Variants in RGSL1 observed in about 807,000 individuals in gnomAD.
The protein encoded by RGSL1 is regulator of G protein signaling protein-like.
Under a neutral mutation model 124.7 loss-of-function variants are expected in RGSL1, and 97 were observed. The observed-to-expected ratio is 0.78, with a 90% confidence interval of 0.66 to 0.92. The LOEUF is 0.92. Among genes scored for constraint, RGSL1 ranks in the 40% least tolerant of loss-of-function variants. The pLI, the probability that RGSL1 is intolerant of heterozygous loss-of-function variation, is 0.00. For missense variants in RGSL1, 1,233 were observed against 1,288.4 expected (o/e 0.96, Z 0.66); for synonymous variants, 424 against 438.1 (o/e 0.97, Z 0.40).
chr1:182,549,507 T>G (rs266538), intron 17 of RGSL1: 16,784 of 152,268 alleles, frequency 0.11, 979 homozygotes, highest in Non-Finnish European at 0.13. Context: ...GGCCTGAGCC[T>G]TCCCAGCTGG....
At chr1:182,466,826 C>A (rs1302812042) in intron 4 of RGSL1, among the ~76,000 whole-genome samples, 1 of 152,098 alleles carries the variant, frequency 6.6e-6, no homozygotes, top group Non-Finnish European at 1.5e-5. Flanking sequence ...AAACGTCAAT[C>A]CTAAAATTTC....
At chr1:182,484,265 G>A (rs1654925714) in intron 6 of RGSL1, among the ~76,000 whole-genome samples, 1 of 152,020 alleles carries the variant, frequency 6.6e-6, no homozygotes, top group Non-Finnish European at 1.5e-5. Flanking sequence ...TCTTAGTCCT[G>A]GAATGCACAG....
chr1:182,472,530 G>A lies in RGSL1; in HGVS notation c.436G>A (p.Val146Met), dbSNP rs1228510054. 6.5e-7 allele frequency: 1 copy of A among 1,543,962 alleles called. No homozygotes were observed. Among genetic ancestry groups the A allele is most frequent in the Non-Finnish European group, 8.8e-7 (1 of 1,142,108 alleles). ...CACTCATCTGCAGGAGGGCTCCAGG[G>A]TGGTAACCCTCTGTAACATGAACAT... is the stretch of plus-strand genomic sequence containing the variant. ...RATHLQEGSR[V>M]VTLCNMNIKS... is the part of the protein sequence containing the mutation. Residue 146 changes from valine to methionine, a missense_variant, in exon 5 of 22, where the codon GTG becomes ATG. Val to Met is a conservative substitution (Grantham distance 21). Transcript: ENST00000294854.
chr1:182,516,285 C>A (rs554724695), intron 9 of RGSL1, among the ~76,000 whole-genome samples: 63 of 152,304 alleles, frequency 4.1e-4, no homozygotes, highest in African/African-American at 1.4e-3. Flanking sequence ...GGCCCTTTGC[C>A]AGGGAACTGC....
chr1:182,534,703 T>C (rs1277044290), intron 14 of RGSL1, among the ~76,000 whole-genome samples: 1 of 152,044 alleles, frequency 6.6e-6, no homozygotes, highest in African/African-American at 2.4e-5. Context: ...GGTGTGCACC[T>C]GTAATCCCAG....
chr1:182,530,170 A>AG, intron 11 of RGSL1, 74 bp from the exon 12 acceptor site: 1 of 1,187,974 alleles, frequency 8.4e-7, no homozygotes, highest in East Asian at 2.6e-5. Flanking sequence ...TAAAAAAAAA[A>AG]AACAAAAAAC....
chr1:182,526,037 A>G (rs183589848), intron 10 of RGSL1, among the ~76,000 whole-genome samples: 1 of 152,316 alleles, frequency 6.6e-6, no homozygotes, highest in Admixed American at 6.5e-5. Context: ...CTATGTTTCA[A>G]GGAAAAGTAG....
chr1:182,527,788 T>G lies in RGSL1; in HGVS notation c.2125+16T>G, dbSNP rs1044138749. 6.5e-7 allele frequency: 1 copy of G among 1,535,958 alleles called. No homozygotes were observed. The highest frequency in any genetic ancestry group is 2.0e-5 in the Admixed American group (1 of 49,578). On this transcript the variant is annotated intron_variant, in intron 11 of 21. Coordinates refer to ENST00000294854, the MANE Select transcript of RGSL1 (RefSeq NM_001137669.2). ...CTCTCTCCTGGTATGCATCCTCTTC[T>G]GATCCTGTTTTCTCTCTCTCTTTAG...
intron 19 of RGSL1, 130 bp downstream of exon 19, chr1:182,553,671 A>T (rs1660699106): frequency 2.7e-6 from 2 of 743,238 alleles, no homozygotes; most frequent in East Asian, 5.6e-5. Flanking sequence ...AACTTGCTGA[A>T]GATCACATAG....
intron 6 of RGSL1, among the ~76,000 whole-genome samples, chr1:182,476,372 T>C (rs1654290246): frequency 6.6e-6 from 1 of 152,190 alleles, no homozygotes; most frequent in East Asian, 1.9e-4. Flanking sequence ...AGACTAAACA[T>C]TTTTATATCA....
intron 2 of RGSL1, among the ~76,000 whole-genome samples, chr1:182,456,233 C>A (rs1652309101): frequency 6.6e-6 from 1 of 151,034 alleles, no homozygotes; most frequent in African/African-American, 2.4e-5. Context: ...GGGAGTGGGT[C>A]TTTTATGTGT....
At chr1:182,465,885 C>A (rs1017985964) in intron 4 of RGSL1, among the ~76,000 whole-genome samples, 1 of 152,056 alleles carries the variant, frequency 6.6e-6, no homozygotes, top group African/African-American at 2.4e-5. Flanking sequence ...GGCCAATATT[C>A]CTGATGAACA....
chr1:182,450,803 C>T (rs959833589), intron 1 of RGSL1, among the ~76,000 whole-genome samples: 1 of 152,182 alleles, frequency 6.6e-6, no homozygotes, highest in Non-Finnish European at 1.5e-5. Context: ...ACTCATTCAA[C>T]AAATCCATGT....
chr1:182,522,114 G>C lies in RGSL1; in HGVS notation c.1931+5G>C, dbSNP rs980287219. The C allele has an allele frequency of 1.6e-5, 24 of 1,537,682 alleles. No individual in the cohort carries two copies. The highest frequency in any genetic ancestry group is 2.0e-5 in the Non-Finnish European group (23 of 1,137,326). On this transcript the variant is annotated splice_donor_5th_base_variant and intron_variant, in intron 10 of 21. Transcript: ENST00000294854. The stretch of plus-strand genomic sequence containing the variant: ...GAAGCCATCAATGAGACCCAGGTGA[G>C]ATATAGAATCTGTTTACAGCAACAT...
chr1:182,519,673 A>G (rs1311365399), intron 9 of RGSL1, among the ~76,000 whole-genome samples: 1 of 151,944 alleles, frequency 6.6e-6, no homozygotes, highest in Non-Finnish European at 1.5e-5. Context: ...GCTCCATTCT[A>G]TCTATTCTGA....
chr1:182,498,796 G>GTTT lies in RGSL1; in HGVS notation c.1825+5668_1825+5670dup, dbSNP rs11403995. On this transcript the variant is annotated intron_variant, in intron 9 of 21. Transcript: ENST00000294854. Reference sequence around the variant, plus strand: ...ACCAACTTTTCTTTTTCCTTTGTTTGTTTGTTTTTTTTTGAGACAGAGTCT... The same window carrying GTTT: ...ACCAACTTTTCTTTTTCCTTTGTTTGTTTTTTGTTTTTTTTTGAGACAGAGTCT... 1.6e-4 allele frequency among the ~76,000 whole-genome samples: 24 copies of GTTT among 146,622 alleles called. 3 individuals carry two copies. Among genetic ancestry groups the GTTT allele is most frequent in the African/African-American group, 4.2e-4 (17 of 40,032 alleles).
intron 14 of RGSL1, among the ~76,000 whole-genome samples, chr1:182,534,046 C>T (rs1052806895): frequency 4.6e-5 from 7 of 152,098 alleles, no homozygotes; most frequent in Admixed American, 3.3e-4. Context: ...GAAGGATAGG[C>T]GGTGACAAAT....
chr1:182,454,323 C>T (rs76929795), intron 2 of RGSL1, among the ~76,000 whole-genome samples: 4,870 of 152,204 alleles, frequency 0.032, 245 homozygotes, highest in African/African-American at 0.11. Flanking sequence ...CTCTGCTGAT[C>T]CCCAGTGCTC....
intron 10 of RGSL1, among the ~76,000 whole-genome samples, chr1:182,524,644 A>G (rs1054700638): frequency 5.9e-5 from 9 of 152,188 alleles, no homozygotes; most frequent in Non-Finnish European, 1.3e-4. Flanking sequence ...ACTTCTAACT[A>G]CTCACATCAC....
Sources: allele counts gnomAD v4.1 joint callset (sites outside exome capture counted in the v4.1 genomes callset), GRCh38; gene constraint gnomAD v4.1.1; transcripts MANE v1.5; gene names NCBI Gene and HGNC (gene_info 2026-07-23, HGNC 2026-07-21).